The following MUC17 variants were observed in gnomAD, a reference collection of about 807,000 sequenced individuals.
MUC17 encodes mucin-17.
MUC17 carries 190 observed loss-of-function variants against 170.3 expected under a neutral mutation model. The ratio of observed to expected loss-of-function variants is 1.12; its 90% CI spans 0.99 to 1.26. The LOEUF (loss-of-function observed/expected upper bound fraction) is 1.26, where lower values mean the gene tolerates loss of function less well. Ranked by LOEUF, MUC17 falls within the 50% of genes most tolerant of loss-of-function variation. The probability of loss-of-function intolerance (pLI) is 0.00; values close to 1 mark genes in which losing one functional copy is unlikely to be tolerated. For missense variants in MUC17, 6,415 were observed against 5,530.0 expected (o/e 1.16, Z -5.08); for synonymous variants, 2,325 against 2,002.5 (o/e 1.16, Z -4.30).
At position 101,048,929 on chromosome 7, in the gene MUC17, C is replaced by T; in HGVS notation, c.12620C>T (p.Ser4207Phe). 1 of 1,614,040 alleles carries T rather than the reference C, an allele frequency of 6.2e-7. No individual in the cohort carries two copies. Residue 4207 changes from serine (S) to phenylalanine (F), a missense_variant, in exon 5 of 13, where the codon TCT becomes TTT. Coordinates refer to ENST00000306151, the MANE Select transcript of MUC17 (RefSeq NM_001040105.2). ...VKFTEELKNHSSQEFQEFKQT... is the reference protein window; with the variant it reads ...VKFTEELKNHFSQEFQEFKQT... ...TTCACCGAAGAGCTAAAAAACCACT[C>T]TTCCCAGGAATTCCAGGAGTTCAAA...
chr7:101,031,664 T>C lies in MUC17; in HGVS notation c.248T>C (p.Leu83Ser), dbSNP rs937212333. 2 of 1,581,064 alleles carry C rather than the reference T, an allele frequency of 1.3e-6. No individual in the cohort carries two copies. The highest frequency in any genetic ancestry group is 1.8e-5 in the Admixed American group (1 of 55,636). ...AATGTCGTGGAGCCAAGAATGTATTTGAGTTGCAGCACCAACCCTGAGATG... is the reference window on the plus strand; with the variant it reads ...AATGTCGTGGAGCCAAGAATGTATTCGAGTTGCAGCACCAACCCTGAGATG... ...STNVVEPRMYLSCSTNPEMTS... is the reference protein window; with the variant it reads ...STNVVEPRMYSSCSTNPEMTS... The change falls in exon 3 of 13, where the codon TTG (leucine) becomes TCG (serine). Residue 83 changes from leucine to serine, a missense_variant. Leu to Ser is a moderately radical substitution (Grantham distance 145). Coordinates refer to ENST00000306151, the MANE Select transcript of MUC17 (RefSeq NM_001040105.2).
At chr7:101,047,239 G>A (rs965573130) in intron 3 of MUC17, among the ~76,000 whole-genome samples, 1 of 152,124 alleles carries the variant, frequency 6.6e-6, no homozygotes, top group Non-Finnish European at 1.5e-5. Context: ...CGGGTGTTGA[G>A]GAACAACGAC....
In MUC17 at chr7:101,058,253, C is replaced by T. The variant is rs1475331160; in HGVS notation, c.*209C>T. ...CCCGTGGACGCTCCAATGGGCTTGT[C>T]ATGATATCAGGCTAGGCTTTCCTGC... On this transcript the variant is annotated 3_prime_UTR_variant, in exon 13 of 13. Transcript: ENST00000306151. 11 of 421,862 alleles carry T rather than the reference C, an allele frequency of 2.6e-5. No individual in the cohort carries two copies. The highest frequency in any genetic ancestry group is 1.8e-4 in the African/African-American group (9 of 49,608). The allele number at this position is 421,862 out of a possible 1,614,324, so 26.1% of individuals were successfully genotyped here.
In MUC17 at chr7:101,050,576, T is replaced by A; in HGVS notation, c.12815T>A (p.Val4272Glu). 1 of 1,613,998 alleles carries A rather than the reference T, an allele frequency of 6.2e-7. No homozygotes were observed. Among genetic ancestry groups the A allele is most frequent in the Non-Finnish European group, 8.5e-7 (1 of 1,179,996 alleles). ...GTATTGGACAATGCCACCGAAGTAG[T>A]GAAAGAGAAAATCACAAAAGTGACC... ...KTVLDNATEV[V>E]KEKITKVTTQ... Residue 4272 changes from valine (V) to glutamate (E), a missense_variant, in exon 7 of 13, where the codon GTG (valine) becomes GAG (glutamate). Val to Glu is a moderately radical substitution (Grantham distance 121). Transcript: ENST00000306151.
chr7:101,033,289 A>G lies in MUC17; in HGVS notation c.1873A>G (p.Ser625Gly), dbSNP rs1285940778. 8 of 1,613,632 alleles carry G rather than the reference A, an allele frequency of 5.0e-6. No homozygotes were observed. The highest frequency in any genetic ancestry group is 6.8e-6 in the Non-Finnish European group (8 of 1,179,886). The change falls in exon 3 of 13, where the codon AGT becomes GGT. Residue 625 changes from serine to glycine, a missense_variant. Ser to Gly is a moderately conservative substitution (Grantham distance 56). Transcript: ENST00000306151. ...EGTSMPTSTY[S>G]ERGTTITSMS... ...TACCAGCATGCCAACCTCAACTTAC[A>G]GTGAAAGAGGCACTACAATAACAAG...
intron 5 of MUC17, 98 bp from the exon 6 acceptor site, chr7:101,049,226 G>A: frequency 6.4e-7 from 1 of 1,552,714 alleles, no homozygotes; most frequent in South Asian, 1.1e-5. Flanking sequence ...CTATGATGCT[G>A]CGGGACAGGA....
intron 12 of MUC17, 81 bp from the exon 13 acceptor site, chr7:101,057,922 C>T: frequency 8.3e-7 from 1 of 1,206,584 alleles, no homozygotes; most frequent in Non-Finnish European, 1.2e-6. Flanking sequence ...AGAACACTTC[C>T]TATCCCAATC....
chr7:101,038,380 A>G lies in MUC17; in HGVS notation c.6964A>G (p.Thr2322Ala), dbSNP rs549073116. The change falls in exon 3 of 13, where the codon ACT becomes GCT. Residue 2322 changes from threonine (T) to alanine (A), a missense_variant. Thr to Ala is a moderately conservative substitution (Grantham distance 58). Transcript: ENST00000306151. ...TSTEASSPPP[T>A]AEGTSMPTST... is the part of the protein sequence containing the mutation. Reference sequence around the variant, plus strand: ...TACTGAAGCCAGTTCACCTCCTCCCACTGCTGAAGGTACCAGCATGCCAAC... The same window carrying G: ...TACTGAAGCCAGTTCACCTCCTCCCGCTGCTGAAGGTACCAGCATGCCAAC... 1.1e-5 allele frequency: 18 copies of G among 1,613,152 alleles called. No individual in the cohort carries two copies. The South Asian group carries it at 1.9e-4, about 17-fold the overall frequency.
At chr7:101,046,940 G>A (rs371600071) in intron 3 of MUC17, among the ~76,000 whole-genome samples, 10 of 151,942 alleles carry the variant, frequency 6.6e-5, no homozygotes, top group East Asian at 5.8e-4. Context: ...TTAGCTGGGC[G>A]TGGTGGCAGG....
At position 101,039,366 on chromosome 7, in the gene MUC17, T is replaced by G; in HGVS notation, c.7950T>G (p.Ala2650=). 1 of 1,612,694 alleles carries G rather than the reference T, an allele frequency of 6.2e-7. No individual in the cohort carries two copies. Among genetic ancestry groups the G allele is most frequent in the Non-Finnish European group, 8.5e-7 (1 of 1,179,338 alleles). Residue 2650 remains alanine (A), a synonymous_variant, in exon 3 of 13, where the codon GCT becomes GCG. Transcript: ENST00000306151. ...VSTMPVASSE[A]STLSTTPVDT... ...CCATGCCAGTGGCCAGTTCTGAGGC[T>G]AGCACCCTTTCAACAACTCCTGTTG...
rs1197013789 is a variant in MUC17 at position 101,039,738 on chromosome 7, T to C, written c.8322T>C (p.Thr2774=). 3.7e-6 allele frequency: 6 copies of C among 1,610,436 alleles called. No individual in the cohort carries two copies. In the East Asian group the frequency reaches 9.0e-5, roughly 24 times the overall value. The change falls in exon 3 of 13, where the codon ACT becomes ACC. Residue 2774 remains threonine, a synonymous_variant. Coordinates refer to ENST00000306151, the MANE Select transcript of MUC17 (RefSeq NM_001040105.2). ...ASSEASTVST[T]AVDTSIPVTT... is the part of the protein sequence containing the mutation. ...CTGAGGCTAGCACCGTTTCAACAAC[T>C]GCTGTTGACACCAGCATACCTGTCA... is the stretch of plus-strand genomic sequence containing the variant.
chr7:101,049,322 A>C lies in MUC17; in HGVS notation c.12664-2A>C, dbSNP rs200048974. 166 of 1,614,064 alleles carry C rather than the reference A, an allele frequency of 1.0e-4. No individual in the cohort carries two copies. Among genetic ancestry groups the C allele is most frequent in the Non-Finnish European group, 5.1e-6 (6 of 1,180,042 alleles). ...ATGACACAGTGGCCCCTTGCCTTTCAGATGAATATTGTGTATTCCGGGATC... is the reference window on the plus strand; with the variant it reads ...ATGACACAGTGGCCCCTTGCCTTTCCGATGAATATTGTGTATTCCGGGATC... On this transcript the variant is annotated splice_acceptor_variant, in intron 5 of 12. Coordinates refer to ENST00000306151, the MANE Select transcript of MUC17 (RefSeq NM_001040105.2). LOFTEE classifies it high-confidence loss of function.
intron 6 of MUC17, among the ~76,000 whole-genome samples, chr7:101,049,928 C>CA (rs1794907004): frequency 6.6e-6 from 1 of 152,080 alleles, no homozygotes; most frequent in Non-Finnish European, 1.5e-5. Flanking sequence ...GCCGGGAGCA[C>CA]AAGACCAGCC....
chr7:101,021,343 GC>G (rs1435150457), intron 1 of MUC17, among the ~76,000 whole-genome samples: 2 of 151,888 alleles, frequency 1.3e-5, no homozygotes, highest in African/African-American at 2.4e-5. Flanking sequence ...ATGCCACCAT[GC>G]CCAGCTAGAT....
Position 101,039,486 on chromosome 7 carries a change from A to T in MUC17, c.8070A>T (p.Arg2690Ser). 2 of 1,611,260 alleles carry T rather than the reference A, an allele frequency of 1.2e-6. No individual in the cohort carries two copies. The highest frequency in any genetic ancestry group is 1.7e-6 in the Non-Finnish European group (2 of 1,178,786). ...SSMPTSTPGE[R>S]STPLTNILVS... is the part of the protein sequence containing the mutation. ...TGCCAACCTCAACTCCTGGTGAAAG[A>T]AGCACTCCATTAACAAATATACTTG... Residue 2690 changes from arginine (R) to serine (S), a missense_variant, in exon 3 of 13, where the codon AGA (arginine) becomes AGT (serine). By Grantham distance (110) the Arg-to-Ser change is moderately radical. Coordinates refer to ENST00000306151, the MANE Select transcript of MUC17 (RefSeq NM_001040105.2).
At position 101,035,387 on chromosome 7, in the gene MUC17, G is replaced by T. The variant is rs1180455695; in HGVS notation, c.3971G>T (p.Gly1324Val). The T allele has an allele frequency of 1.2e-6, 2 of 1,605,920 alleles. No individual in the cohort carries two copies. The highest frequency in any genetic ancestry group is 2.3e-5 in the East Asian group (1 of 44,198). The stretch of plus-strand genomic sequence containing the variant: ...AGTTCATCTCCTACACCTGCTGAAG[G>T]TACCAGCATGCCAACCTCAACTTAT... ...EVSSSPTPAE[G>V]TSMPTSTYSE... Residue 1324 changes from glycine (G) to valine (V), a missense_variant, in exon 3 of 13, where the codon GGT (glycine) becomes GTT (valine). By Grantham distance (109) the Gly-to-Val change is moderately radical (BLOSUM62 -3). Transcript: ENST00000306151.
Position 101,051,598 on chromosome 7 carries a change from G to T in MUC17, c.12875-15G>T, listed in dbSNP as rs1794945279. 6.2e-7 allele frequency: 1 copy of T among 1,612,550 alleles called. No homozygotes were observed. The highest frequency in any genetic ancestry group is 8.5e-7 in the Non-Finnish European group (1 of 1,179,402). On this transcript the variant is annotated splice_polypyrimidine_tract_variant and intron_variant, in intron 7 of 12. Coordinates refer to ENST00000306151, the MANE Select transcript of MUC17 (RefSeq NM_001040105.2). ...GTGTATGTGTCGTGAGGGGTTTTATGTGTCTCTTTCACAGACATGATGTGT... is the reference window on the plus strand; with the variant it reads ...GTGTATGTGTCGTGAGGGGTTTTATTTGTCTCTTTCACAGACATGATGTGT...
At position 101,035,161 on chromosome 7, in the gene MUC17, C is replaced by G. The variant is rs4729653; in HGVS notation, c.3745C>G (p.Pro1249Ala). 0.066 allele frequency: 97,721 copies of G among 1,478,820 alleles called. No homozygotes were observed. Among genetic ancestry groups the G allele is most frequent in the African/African-American group, 0.22 (14,708 of 67,490 alleles). 91.6% of individuals were successfully genotyped at this position (1,478,820 alleles called of 1,614,324 possible). A position where few individuals can be genotyped will look rare whatever the true frequency, so the allele number is the denominator to read the frequency against. Residue 1249 changes from proline (P) to alanine (A), a missense_variant, in exon 3 of 13, where the codon CCT becomes GCT. Pro to Ala is a conservative substitution (Grantham distance 27, BLOSUM62 -1). Transcript: ENST00000306151. ...LSTSPVDTSTPVTTSAETSSS... is the reference protein window; with the variant it reads ...LSTSPVDTSTAVTTSAETSSS... ...AACATCTCCCGTTGACACCAGCACA[C>G]CTGTGACCACTTCTGCTGAAACCAG...
intron 1 of MUC17, among the ~76,000 whole-genome samples, chr7:101,021,689 T>C (rs1332314331): frequency 6.6e-6 from 1 of 152,206 alleles, no homozygotes; most frequent in Admixed American, 6.5e-5. Context: ...ACCCTGTTCC[T>C]ACTCTCCAGG....
Sources: gnomAD v4.1 joint callset for allele counts (sites outside exome capture counted in the v4.1 genomes callset) on GRCh38, gnomAD v4.1.1 for gene constraint, MANE v1.5 for transcripts, NCBI Gene and HGNC (gene_info 2026-07-23, HGNC 2026-07-21) for gene names.